Variants in SLC30A9 observed in about 807,000 individuals in gnomAD.
SLC30A9 encodes the protein proton-coupled zinc antiporter SLC30A9, mitochondrial.
In SLC30A9, 58 loss-of-function variants were observed where a neutral mutation model predicts 87.5. The observed-to-expected ratio is 0.66, with a 90% CI of 0.54 to 0.82. SLC30A9 has a LOEUF of 0.82. Among genes scored for constraint, SLC30A9 ranks in the 40% least tolerant of loss-of-function variants. SLC30A9 has a pLI of 0.00. For synonymous variants in SLC30A9, 234 were observed against 233.0 expected, an observed-to-expected ratio of 1.00 and a Z score of -0.04; for missense variants, 557 against 679.1, an observed-to-expected ratio of 0.82 and a Z score of 2.00.
At chr4:42,069,827 G>A (rs368981368) in intron 14 of SLC30A9, among the ~76,000 whole-genome samples, 2 of 152,170 alleles carry the variant, frequency 1.3e-5, no homozygotes, top group East Asian at 3.8e-4. Context: ...ATCACCTGAA[G>A]GGCTTGGGGA....
intron 9 of SLC30A9, among the ~76,000 whole-genome samples, chr4:42,052,948 G>A (rs1402968884): frequency 6.6e-6 from 1 of 152,156 alleles, no homozygotes; most frequent in East Asian, 1.9e-4. Context: ...CATAGATTGG[G>A]AGAAAATAGT....
chr4:42,032,430 G>A (rs933687794), intron 6 of SLC30A9, among the ~76,000 whole-genome samples: 5 of 152,192 alleles, frequency 3.3e-5, no homozygotes, highest in African/African-American at 7.2e-5. Flanking sequence ...AAGCCTTGGA[G>A]TATAAATATT....
chr4:42,067,252 G>A (rs1305050399), intron 14 of SLC30A9, 60 bp downstream of exon 14: 17 of 1,055,592 alleles, frequency 1.6e-5, no homozygotes, highest in Admixed American at 3.7e-5. Context: ...TCTCTAATAT[G>A]TGGGAATTTT....
intron 16 of SLC30A9, among the ~76,000 whole-genome samples, chr4:42,076,639 T>G (rs1236710086): frequency 6.6e-5 from 10 of 152,122 alleles, no homozygotes; most frequent in Non-Finnish European, 1.2e-4. Context: ...TTATTTTGTC[T>G]CCAGTTGATG....
intron 15 of SLC30A9, among the ~76,000 whole-genome samples, chr4:42,071,444 A>C (rs1173435633): frequency 1.3e-5 from 2 of 152,122 alleles, no homozygotes; most frequent in Non-Finnish European, 2.9e-5. Context: ...TGATTACTAG[A>C]TTTATATTCT....
rs1241278109 is a variant in SLC30A9, at chr4:42,090,001, A to T, written c.*3875A>T. 3 of 152,216 alleles carry T rather than the reference A, an allele frequency of 2.0e-5. No homozygotes were observed. The highest frequency in any genetic ancestry group is 4.4e-5 in the Non-Finnish European group (3 of 68,040). The allele number at this position is 152,216 out of a possible 1,614,324, so 9.4% of individuals were successfully genotyped here. A position where few individuals can be genotyped will look rare whatever the true frequency, so the allele number is the denominator to read the frequency against. ...TTGCTAAAATGATAACCATCTAAAG[A>T]GTGCCTAAGTTTTAAGTCTCGTAAC... On this transcript the variant is annotated 3_prime_UTR_variant, in exon 18 of 18. Coordinates refer to ENST00000264451, the MANE Select transcript of SLC30A9 (RefSeq NM_006345.4).
At chr4:42,013,052 G>C (rs1715520143) in intron 2 of SLC30A9, among the ~76,000 whole-genome samples, 1 of 152,072 alleles carries the variant, frequency 6.6e-6, no homozygotes, top group Admixed American at 6.5e-5. Context: ...AAGCTGAGGT[G>C]GGAGGATCAC....
intron 8 of SLC30A9, among the ~76,000 whole-genome samples, chr4:42,042,548 T>A (rs1716965405): frequency 6.6e-6 from 1 of 152,166 alleles, no homozygotes; most frequent in Non-Finnish European, 1.5e-5. Context: ...GCAGGGCATC[T>A]CTGAAAGAAA....
chr4:42,046,261 AG>A (rs1159007932), intron 8 of SLC30A9, among the ~76,000 whole-genome samples: 2 of 152,198 alleles, frequency 1.3e-5, no homozygotes, highest in African/African-American at 4.8e-5. Flanking sequence ...AAAGAAATAA[AG>A]GGTATTCAAA....
chr4:42,004,402 A>G lies in SLC30A9; in HGVS notation c.274+2622A>G, dbSNP rs549426606. ...TCTACAATTCTCTTATTATCCCTTCATATATTACATCTTCCCATTTCTGTA... is the reference window on the plus strand; with the variant it reads ...TCTACAATTCTCTTATTATCCCTTCGTATATTACATCTTCCCATTTCTGTA... On this transcript the variant is annotated intron_variant, in intron 2 of 17. Transcript: ENST00000264451. 2.0e-5 allele frequency among the ~76,000 whole-genome samples: 3 copies of G among 152,214 alleles called. No individual in the cohort carries two copies. The South Asian group carries it at 6.2e-4, about 32-fold the overall frequency.
chr4:42,090,151 G>A lies in SLC30A9; in HGVS notation c.*4025G>A, dbSNP rs1190106901. On this transcript the variant is annotated 3_prime_UTR_variant, in exon 18 of 18. Transcript: ENST00000264451. ...TTTTAAATGTGATGAACCCCAATTT[G>A]CCAAACTGTCAGAAGTCAGTGAAGC... 6.6e-6 allele frequency: 1 copy of A among 152,172 alleles called. No individual in the cohort carries two copies. Among genetic ancestry groups the A allele is most frequent in the Admixed American group, 6.5e-5 (1 of 15,280 alleles). 9.4% of individuals were successfully genotyped at this position (152,172 alleles called of 1,614,324 possible).
chr4:42,036,351 A>G (rs1420341527), intron 7 of SLC30A9, among the ~76,000 whole-genome samples: 1 of 152,270 alleles, frequency 6.6e-6, no homozygotes, highest in South Asian at 2.1e-4. Context: ...TTTCCTTCCT[A>G]CTAGAAGGAA....
At chr4:42,037,000 T>G (rs1049584367) in intron 7 of SLC30A9, among the ~76,000 whole-genome samples, 7 of 152,234 alleles carry the variant, frequency 4.6e-5, no homozygotes, top group African/African-American at 1.7e-4. Context: ...TGTTGACTTA[T>G]GAAATCTTTG....
chr4:42,016,232 ACT>A (rs1715713953), intron 2 of SLC30A9, among the ~76,000 whole-genome samples: 1 of 152,216 alleles, frequency 6.6e-6, no homozygotes, highest in Admixed American at 6.5e-5. Flanking sequence ...TTCTTCATAA[ACT>A]CTGAAATGTT....
intron 8 of SLC30A9, among the ~76,000 whole-genome samples, chr4:42,039,872 T>C (rs939073128): frequency 5.3e-5 from 8 of 150,176 alleles, no homozygotes; most frequent in African/African-American, 1.9e-4. Flanking sequence ...AATAATTCAT[T>C]AGTTCTTTTA....
intron 6 of SLC30A9, 76 bp from the exon 7 acceptor site, chr4:42,035,199 A>G: frequency 7.0e-7 from 1 of 1,430,292 alleles, no homozygotes; most frequent in East Asian, 2.3e-5. Context: ...CATAGTCCTG[A>G]AGAGAATATC....
In SLC30A9 at chr4:42,086,313, C is replaced by T. The variant is rs1381847968; in HGVS notation, c.*187C>T. On this transcript the variant is annotated 3_prime_UTR_variant, in exon 18 of 18. Transcript: ENST00000264451. ...ACAGAACTAAAACTACTACTTACAT[C>T]TAACAGACACACTACAAGTTGAATC... The T allele has an allele frequency of 2.5e-6, 1 of 400,972 alleles. No individual in the cohort carries two copies. The highest frequency in any genetic ancestry group is 1.9e-5 in the African/African-American group (1 of 51,602). The allele number at this position is 400,972 out of a possible 1,614,324, so 24.8% of individuals were successfully genotyped here.
At chr4:42,050,902 C>T (rs966049096) in intron 9 of SLC30A9, among the ~76,000 whole-genome samples, 5 of 152,146 alleles carry the variant, frequency 3.3e-5, no homozygotes, top group Non-Finnish European at 7.3e-5. Flanking sequence ...TTCAGGGTGT[C>T]TGAGGTGGCT....
chr4:42,020,032 T>G (rs1403040334), intron 3 of SLC30A9, among the ~76,000 whole-genome samples: 1 of 152,146 alleles, frequency 6.6e-6, no homozygotes, highest in Admixed American at 6.6e-5. Context: ...ACTCTTGACC[T>G]CAAGTGATCC....
Sources: allele counts gnomAD v4.1 joint callset (sites outside exome capture counted in the v4.1 genomes callset), GRCh38; gene constraint gnomAD v4.1.1; transcripts MANE v1.5; gene names NCBI Gene and HGNC (gene_info 2026-07-23, HGNC 2026-07-21).